The following SNHG17 variants were observed in gnomAD, a reference collection of about 807,000 sequenced individuals.
The protein encoded by SNHG17 is small nucleolar RNA host gene 17, also known as small nucleolar RNA host gene 17 (non-protein coding).
intron 3 of SNHG17, among the ~76,000 whole-genome samples, chr20:38,426,995 T>TACACACACACACACACACACACACACAC (rs765781057): frequency 6.4e-5 from 8 of 125,578 alleles, no homozygotes; most frequent in African/African-American, 2.0e-4. Context: ...AAGTTACACA[T>TACACACACACACACACACACACACACAC]ACACACACAC....
chr20:38,432,246 AGAG>A (rs2084352075), intron 2 of SNHG17: 1 of 820,388 alleles, frequency 1.2e-6, no homozygotes, highest in South Asian at 5.6e-5. Flanking sequence ...GAGTTCATCT[AGAG>A]AAGAACCAGT....
At chr20:38,421,394 T>C (rs1340461489) in intron 6 of SNHG17, 1 of 152,218 alleles carries the variant, frequency 6.6e-6, no homozygotes, top group Non-Finnish European at 1.5e-5. Flanking sequence ...ATGGTGCCTG[T>C]GGAAACAATG....
intron 3 of SNHG17, chr20:38,428,854 C>T (rs756065): frequency 6.6e-6 from 1 of 152,136 alleles, no homozygotes; most frequent in Non-Finnish European, 1.5e-5. Context: ...GAAAATCCTC[C>T]CCATACAAGG....
At chr20:38,434,193 C>T (rs2084390260) in intron 2 of SNHG17, among the ~76,000 whole-genome samples, 2 of 151,904 alleles carry the variant, frequency 1.3e-5, no homozygotes, top group South Asian at 4.2e-4. Context: ...GTACATTCAG[C>T]CCACCAGTTC....
chr20:38,423,399 AG>A (rs1416806084), intron 5 of SNHG17, among the ~76,000 whole-genome samples: 1 of 147,986 alleles, frequency 6.8e-6, no homozygotes, highest in African/African-American at 2.5e-5. Flanking sequence ...CCTGGGTGAC[AG>A]AGGGAGACCC....
chr20:38,429,772 C>T (rs747576849), intron 3 of SNHG17: 21 of 517,338 alleles, frequency 4.1e-5, no homozygotes, highest in African/African-American at 2.7e-4. Flanking sequence ...GACCAGGGCA[C>T]GGGCAGCTCA....
chr20:38,435,085 A>G, intron 1 of SNHG17: 1 of 1,232,078 alleles, frequency 8.1e-7, no homozygotes, highest in Non-Finnish European at 1.0e-6. Context: ...GGCAAAGAGG[A>G]CGAGACACTG....
chr20:38,432,510 A>T (rs1392915611), intron 2 of SNHG17, among the ~76,000 whole-genome samples: 1 of 152,158 alleles, frequency 6.6e-6, no homozygotes, highest in African/African-American at 2.4e-5. Flanking sequence ...GGTCGCTGAC[A>T]TCACAATGAC....
chr20:38,434,281 T>C (rs982008711), intron 2 of SNHG17, among the ~76,000 whole-genome samples: 1 of 152,210 alleles, frequency 6.6e-6, no homozygotes, highest in Non-Finnish European at 1.5e-5. Flanking sequence ...CAGAGAGCCT[T>C]TGCAGTTTCC....
At chr20:38,422,486 G>GT (rs1370863235) in intron 5 of SNHG17, among the ~76,000 whole-genome samples, 9 of 152,150 alleles carry the variant, frequency 5.9e-5, no homozygotes, top group Admixed American at 4.6e-4. Flanking sequence ...CAAGAAAAAC[G>GT]TAACTCTAGG....
chr20:38,426,820 A>C (rs1380931241), intron 3 of SNHG17, among the ~76,000 whole-genome samples: 1 of 150,716 alleles, frequency 6.6e-6, no homozygotes, highest in East Asian at 2.0e-4. Context: ...AGAACAGGCG[A>C]AACTCTTGGG....
exon 1 of SNHG17, chr20:38,435,203 C>G: frequency 8.1e-7 from 1 of 1,232,072 alleles, no homozygotes; most frequent in Non-Finnish European, 1.0e-6. Flanking sequence ...TCACCCGGCG[C>G]CCTGGCGTCG....
intron 3 of SNHG17, chr20:38,429,625 T>C (rs926789422): frequency 4.3e-6 from 2 of 466,264 alleles, no homozygotes; most frequent in African/African-American, 2.1e-5. Flanking sequence ...CACTAGATGA[T>C]GCCAGGCACC....
At position 38,435,060 on chromosome 20, in the gene SNHG17, T is replaced by A. The variant is rs565278782; in HGVS notation, n.185+137A>T. On this transcript the variant is annotated intron_variant and non_coding_transcript_variant, in intron 1 of 8. Coordinates refer to ENST00000654008, the Ensembl canonical transcript of SNHG17. The stretch of plus-strand genomic sequence containing the variant: ...GTCTTTCCCGAGGACACGCGAATCC[T>A]GGGGGGCTCACTCCGGCAAAGAGGA... 4.1e-3 allele frequency: 5,082 copies of A among 1,231,726 alleles called. 18 individuals carry two copies. Among genetic ancestry groups the A allele is most frequent in the Non-Finnish European group, 4.8e-3 (4,736 of 987,808 alleles). 76.3% of individuals were successfully genotyped at this position (1,231,726 alleles called of 1,614,324 possible). A position where few individuals can be genotyped will look rare whatever the true frequency, so the allele number is the denominator to read the frequency against.
At chr20:38,431,906 T>C (rs1157849725) in intron 2 of SNHG17, 2 of 634,360 alleles carry the variant, frequency 3.2e-6, no homozygotes. Context: ...TTACCTCACC[T>C]CTCTCTACTT....
At chr20:38,429,194 G>A (rs2084297134) in intron 3 of SNHG17, 1 of 153,186 alleles carries the variant, frequency 6.5e-6, no homozygotes, top group Non-Finnish European at 1.5e-5. Flanking sequence ...TCAGCCTCCT[G>A]AGAAGCTAGG....
At chr20:38,423,895 T>C (rs2084200793) in intron 5 of SNHG17, among the ~76,000 whole-genome samples, 2 of 152,286 alleles carry the variant, frequency 1.3e-5, no homozygotes, top group South Asian at 4.1e-4. Context: ...AGGTTGGGTG[T>C]GGTGGCTCAC....
At chr20:38,433,396 C>G (rs1334723770) in intron 2 of SNHG17, among the ~76,000 whole-genome samples, 1 of 152,108 alleles carries the variant, frequency 6.6e-6, no homozygotes, top group South Asian at 2.1e-4. Context: ...CCTGTAATTC[C>G]AGCACTTTGG....
chr20:38,434,907 G>A (rs1264050264), intron 1 of SNHG17: 3 of 1,220,992 alleles, frequency 2.5e-6, no homozygotes, highest in Admixed American at 4.3e-5. Context: ...TAAAGTCGCC[G>A]AGCCCTGTTT....
Sources: allele counts gnomAD v4.1 joint callset (sites outside exome capture counted in the v4.1 genomes callset), GRCh38; gene constraint gnomAD v4.1.1; transcripts MANE v1.5; gene names NCBI Gene and HGNC (gene_info 2026-07-23, HGNC 2026-07-21).